KIF13A: variants seen among roughly 807,000 people sequenced by gnomAD.
KIF13A encodes the protein kinesin-like protein KIF13A.
A neutral mutation model predicts 212.2 loss-of-function variants in KIF13A; 79 were observed. That is an observed-to-expected ratio of 0.37 (90% CI 0.31 to 0.45). The LOEUF (loss-of-function observed/expected upper bound fraction) is 0.45. Among genes scored for constraint, KIF13A ranks in the 20% least tolerant of loss-of-function variants. The probability of loss-of-function intolerance (pLI) is 1.00; values close to 1 mark genes in which losing one functional copy is unlikely to be tolerated. For synonymous variants in KIF13A, 789 were observed against 808.6 expected (o/e 0.98, Z 0.41); for missense variants, 1,901 against 2,209.0 (o/e 0.86, Z 2.79).
intron 2 of KIF13A, among the ~76,000 whole-genome samples, chr6:17,977,114 C>CA (rs398000718): frequency 0.013 from 1,360 of 106,584 alleles, 9 homozygotes; most frequent in African/African-American, 0.034. Context: ...AAAACAACAA[C>CA]AAAAAAAAAA....
At chr6:17,945,776 G>T (rs1224308062) in intron 2 of KIF13A, among the ~76,000 whole-genome samples, 4 of 152,124 alleles carry the variant, frequency 2.6e-5, no homozygotes, top group African/African-American at 9.7e-5. Flanking sequence ...AGAACACAAT[G>T]AAGAAACTGG....
At position 17,828,494 on chromosome 6, in the gene KIF13A, G is replaced by C. The variant is rs185118538; in HGVS notation, c.1402-124C>G. 10 of 717,270 alleles carry C rather than the reference G, an allele frequency of 1.4e-5. No individual in the cohort carries two copies. The African/African-American group carries it at 1.8e-4, about 13-fold the overall frequency. The allele number at this position is 717,270 out of a possible 1,614,324, so 44.4% of individuals were successfully genotyped here. A position where few individuals can be genotyped will look rare whatever the true frequency, so the allele number is the denominator to read the frequency against. ...AAAATATTAAACGAATCCTGCCAGA[G>C]ATGTTAAATATCTTAAGCATTAAAA... On this transcript the variant is annotated intron_variant, in intron 13 of 38. Coordinates refer to ENST00000259711, the MANE Select transcript of KIF13A (RefSeq NM_022113.6). The surrounding 1 kb of genome is among the most constrained non-coding windows in gnomAD (Gnocchi z 4.3).
chr6:17,944,650 A>G (rs902071605), intron 2 of KIF13A, among the ~76,000 whole-genome samples: 1 of 152,184 alleles, frequency 6.6e-6, no homozygotes, highest in African/African-American at 2.4e-5. Context: ...AACAAAACAG[A>G]AACAAAAAAC....
chr6:17,976,428 G>A (rs1209251507), intron 2 of KIF13A, among the ~76,000 whole-genome samples: 2 of 152,238 alleles, frequency 1.3e-5, no homozygotes, highest in Non-Finnish European at 2.9e-5. Context: ...CCGCTGGCCC[G>A]GGTGCTAAGC....
rs770255576 is a variant in KIF13A at position 17,874,993 on chromosome 6, G to GCA, written c.160-1558_160-1557dup. ...AGTATTCCACCACACACACACACAC[G>GCA]CACACGCACGCACACACACACACAC... On this transcript the variant is annotated intron_variant, in intron 3 of 38. Transcript: ENST00000259711. 3.1e-4 allele frequency among the ~76,000 whole-genome samples: 16 copies of GCA among 51,422 alleles called. No homozygotes were observed. The East Asian group carries it at 5.9e-3, about 19-fold the overall frequency. The allele number at this position is 51,422 out of a possible 152,430, so 33.7% of individuals were successfully genotyped here.
intron 25 of KIF13A, among the ~76,000 whole-genome samples, chr6:17,791,767 G>GT (rs373887547): frequency 5.4e-4 from 82 of 151,540 alleles, no homozygotes; most frequent in African/African-American, 1.8e-3. Flanking sequence ...GGGTGTGGTG[G>GT]TGCGGGCCTG....
At chr6:17,960,014 C>A (rs143057950) in intron 2 of KIF13A, among the ~76,000 whole-genome samples, 1 of 151,044 alleles carries the variant, frequency 6.6e-6, no homozygotes, top group Admixed American at 6.6e-5. Context: ...AAGAGCAAAA[C>A]TCCACCTCAA....
intron 2 of KIF13A, among the ~76,000 whole-genome samples, chr6:17,966,751 A>G (rs1442397101): frequency 1.3e-5 from 2 of 152,190 alleles, no homozygotes; most frequent in Non-Finnish European, 2.9e-5. Flanking sequence ...CTTCAGCTTC[A>G]TCCTTCTGTC....
In KIF13A at chr6:17,987,437, G is replaced by C. The variant is rs544650357; in HGVS notation, c.27C>G (p.Ala9=). The change falls in exon 1 of 39, where the codon GCC becomes GCG. Residue 9 remains alanine, a synonymous_variant. Transcript: ENST00000259711. This position sits in a 1 kb window ranked among gnomAD's most constrained non-coding sequence, Gnocchi z 7.7. MSDTKVKV[A]VRVRPMNRRE... is the part of the protein sequence containing the mutation. The stretch of plus-strand genomic sequence containing the variant: ...GTCGGTTCATGGGCCGGACCCGGAC[G>C]GCAACTTTTACCTTGGTATCCGACA... 3.4e-5 allele frequency: 46 copies of C among 1,345,996 alleles called. No individual in the cohort carries two copies. The East Asian group carries it at 2.2e-3, about 63-fold the overall frequency. 83.4% of individuals were successfully genotyped at this position (1,345,996 alleles called of 1,614,324 possible).
chr6:17,823,518 A>C (rs1023168316), intron 16 of KIF13A, among the ~76,000 whole-genome samples: 1 of 145,392 alleles, frequency 6.9e-6, no homozygotes, highest in Non-Finnish European at 1.5e-5. Context: ...CTCAGGCTGG[A>C]GTGTAGTCGT....
chr6:17,846,904 A>G (rs999963046), intron 9 of KIF13A, among the ~76,000 whole-genome samples: 1 of 152,172 alleles, frequency 6.6e-6, no homozygotes, highest in Non-Finnish European at 1.5e-5. Flanking sequence ...TCGGAGACCA[A>G]TTGACGGCAA....
intron 38 of KIF13A, among the ~76,000 whole-genome samples, chr6:17,767,475 G>A (rs1759111360): frequency 6.6e-6 from 1 of 151,684 alleles, no homozygotes; most frequent in Non-Finnish European, 1.5e-5. Flanking sequence ...GGCTGGTCTC[G>A]AACTCCTGAC....
chr6:17,782,419 C>T (rs1465499956), intron 29 of KIF13A, among the ~76,000 whole-genome samples: 4 of 151,754 alleles, frequency 2.6e-5, no homozygotes, highest in Non-Finnish European at 5.9e-5. Context: ...GGGTGGATCA[C>T]GAGGTCAGGA....
chr6:17,947,720 A>T lies in KIF13A; in HGVS notation c.146+39334T>A, dbSNP rs1440178952. Among the ~76,000 whole-genome samples, 1 of 152,166 alleles carries T rather than the reference A, an allele frequency of 6.6e-6. No homozygotes were observed. The highest frequency in any genetic ancestry group is 1.5e-5 in the Non-Finnish European group (1 of 68,028). On this transcript the variant is annotated intron_variant, in intron 2 of 38. Coordinates refer to ENST00000259711, the MANE Select transcript of KIF13A (RefSeq NM_022113.6). The surrounding 1 kb of genome is among the most constrained non-coding windows in gnomAD (Gnocchi z 4.6). ...GCCAGGCATGGTGGCGGGTGCCTGT[A>T]ATCCCAGCTACTCAAGAGGCTGAGG...
At chr6:17,859,615 G>C (rs1768506931) in intron 4 of KIF13A, among the ~76,000 whole-genome samples, 1 of 136,358 alleles carries the variant, frequency 7.3e-6, no homozygotes, top group Admixed American at 7.3e-5. Context: ...TGCTGGCAAT[G>C]TATTTTATAT....
chr6:17,796,541 T>A (rs940140015), intron 23 of KIF13A, 128 bp downstream of exon 23: 1 of 578,474 alleles, frequency 1.7e-6, no homozygotes. Flanking sequence ...CACCTGGCCA[T>A]TCTTTTTTTT....
chr6:17,821,973 CT>C (rs1764498044), intron 16 of KIF13A: 21 of 1,511,122 alleles, frequency 1.4e-5, no homozygotes, highest in Admixed American at 2.0e-5. Flanking sequence ...GCATCAGAGA[CT>C]GTGTGTATGC....
chr6:17,814,494 G>A lies in KIF13A; in HGVS notation c.2000+2526C>T, dbSNP rs535961386. On this transcript the variant is annotated intron_variant, in intron 17 of 38. Coordinates refer to ENST00000259711, the MANE Select transcript of KIF13A (RefSeq NM_022113.6). ...GAACTCCTGACCTCATGATCCACCCGCCTCGGCCTCCCAAAGTGCTGGGAT... is the reference window on the plus strand; with the variant it reads ...GAACTCCTGACCTCATGATCCACCCACCTCGGCCTCCCAAAGTGCTGGGAT... 3.2e-4 allele frequency among the ~76,000 whole-genome samples: 48 copies of A among 152,024 alleles called. 1 individual carries two copies. In the East Asian group the frequency reaches 8.9e-3, roughly 28 times the overall value.
At chr6:17,911,887 C>A (rs1774099014) in intron 2 of KIF13A, among the ~76,000 whole-genome samples, 1 of 151,770 alleles carries the variant, frequency 6.6e-6, no homozygotes, top group Non-Finnish European at 1.5e-5. Flanking sequence ...GAGTCAGCAT[C>A]CCAAGTAGCT....
Sources: gnomAD v4.1 joint callset for allele counts (sites outside exome capture counted in the v4.1 genomes callset) on GRCh38, gnomAD v4.1.1 for gene constraint, Gnocchi (gnomAD v3.1) non-coding constraint, MANE v1.5 for transcripts, NCBI Gene and HGNC (gene_info 2026-07-23, HGNC 2026-07-21) for gene names.